The following UBE2E3 variants were observed in gnomAD, a reference collection of about 807,000 sequenced individuals.
UBE2E3 encodes the protein ubiquitin conjugating enzyme E2 E3.
Under a neutral mutation model 23.6 loss-of-function variants are expected in UBE2E3, and 5 were observed. The observed-to-expected ratio is 0.21, with a 90% CI of 0.11 to 0.44. The LOEUF (loss-of-function observed/expected upper bound fraction) is 0.44. Ranked by LOEUF, UBE2E3 falls within the 20% of genes least tolerant of loss-of-function variation. UBE2E3 has a pLI of 0.99. For synonymous variants in UBE2E3, 78 were observed against 87.5 expected (o/e 0.89, Z 0.60); for missense variants, 81 against 249.8 (o/e 0.32, Z 4.55).
chr2:180,986,268 A>G (rs923296394), intron 3 of UBE2E3, among the ~76,000 whole-genome samples: 2 of 152,148 alleles, frequency 1.3e-5, no homozygotes, highest in Non-Finnish European at 2.9e-5. Flanking sequence ...GACATACAGT[A>G]TGTCTTAGTA....
At chr2:181,054,612 G>A (rs960201209) in intron 3 of UBE2E3, among the ~76,000 whole-genome samples, 2 of 151,714 alleles carry the variant, frequency 1.3e-5, no homozygotes, top group Admixed American at 6.6e-5. Context: ...ATGGTTCATC[G>A]TATATTTTTG....
intron 3 of UBE2E3, among the ~76,000 whole-genome samples, chr2:181,043,220 A>G (rs571974758): frequency 2.0e-5 from 3 of 152,272 alleles, no homozygotes; most frequent in Admixed American, 1.3e-4. Context: ...CATTGTATCC[A>G]TGGTATGTTC....
intron 3 of UBE2E3, among the ~76,000 whole-genome samples, chr2:181,028,996 A>G (rs1309000517): frequency 6.6e-6 from 1 of 151,854 alleles, no homozygotes; most frequent in East Asian, 1.9e-4. Context: ...TTCCAAATTT[A>G]TTTGGAATTG....
At chr2:181,042,274 T>C (rs915664267) in intron 3 of UBE2E3, among the ~76,000 whole-genome samples, 1 of 152,208 alleles carries the variant, frequency 6.6e-6, no homozygotes, top group African/African-American at 2.4e-5. Context: ...TTCAAGGGTA[T>C]TGTGAAGCAT....
intron 3 of UBE2E3, among the ~76,000 whole-genome samples, chr2:181,003,477 G>A (rs539599529): frequency 3.9e-5 from 6 of 152,080 alleles, no homozygotes; most frequent in Non-Finnish European, 8.8e-5. Context: ...GGGGGATGAC[G>A]CTGTCTCAAG....
Position 180,990,038 on chromosome 2 carries a change from C to T in UBE2E3, c.245+5945C>T, listed in dbSNP as rs187556189. ...AGAAAGTGATTTTTTTTTCCACATA[C>T]CAATTTTGACAGGTAAGTATATTTG... On this transcript the variant is annotated intron_variant, in intron 3 of 5. Transcript: ENST00000410062. 403 of 1,439,924 alleles carry T rather than the reference C, an allele frequency of 2.8e-4. 1 individual carries two copies. In the East Asian group the frequency reaches 8.4e-3, roughly 30 times the overall value. 89.2% of individuals were successfully genotyped at this position (1,439,924 alleles called of 1,614,324 possible). A position where few individuals can be genotyped will look rare whatever the true frequency, so the allele number is the denominator to read the frequency against.
chr2:180,987,264 A>G, intron 3 of UBE2E3: 1 of 1,490,884 alleles, frequency 6.7e-7, no homozygotes, highest in Admixed American at 2.1e-5. Flanking sequence ...CCCTATTTGT[A>G]TTTATTGAGA....
chr2:181,059,249 A>G (rs572175283), intron 4 of UBE2E3, among the ~76,000 whole-genome samples: 11 of 151,892 alleles, frequency 7.2e-5, no homozygotes, highest in East Asian at 1.9e-4. Flanking sequence ...TTTCTCTGCA[A>G]TGCTAAATCT....
intron 3 of UBE2E3, among the ~76,000 whole-genome samples, chr2:181,056,795 T>C (rs1034283749): frequency 6.6e-6 from 1 of 151,776 alleles, no homozygotes; most frequent in Non-Finnish European, 1.5e-5. Flanking sequence ...ATATTGCTTA[T>C]TGGTTGCAGG....
intron 3 of UBE2E3, among the ~76,000 whole-genome samples, chr2:181,001,276 T>A (rs183063705): frequency 1.7e-3 from 258 of 152,326 alleles, no homozygotes; most frequent in African/African-American, 5.6e-3. Flanking sequence ...GTAAAATATG[T>A]CACTTAATCA....
chr2:181,033,793 C>T (rs1437600562), intron 3 of UBE2E3, among the ~76,000 whole-genome samples: 1 of 151,878 alleles, frequency 6.6e-6, no homozygotes, highest in African/African-American at 2.4e-5. Context: ...TGACAAAGGG[C>T]TAATACCCAG....
chr2:181,014,907 AT>A (rs1217003957), intron 3 of UBE2E3, among the ~76,000 whole-genome samples: 1 of 152,158 alleles, frequency 6.6e-6, no homozygotes, highest in Non-Finnish European at 1.5e-5. Context: ...ATTAACTATA[AT>A]TTCCCACTGT....
intron 3 of UBE2E3, among the ~76,000 whole-genome samples, chr2:181,005,179 C>T (rs1456762229): frequency 6.6e-6 from 1 of 152,158 alleles, no homozygotes. Context: ...ATCTGATTTA[C>T]CTTTCCATTT....
chr2:181,055,492 G>C (rs978537772), intron 3 of UBE2E3, among the ~76,000 whole-genome samples: 1 of 151,602 alleles, frequency 6.6e-6, no homozygotes, highest in Non-Finnish European at 1.5e-5. Flanking sequence ...ACATTTATGA[G>C]AATGAAAAGA....
At chr2:181,013,689 T>G (rs1685398685) in intron 3 of UBE2E3, among the ~76,000 whole-genome samples, 1 of 152,120 alleles carries the variant, frequency 6.6e-6, no homozygotes, top group African/African-American at 2.4e-5. Flanking sequence ...GAGAGGGAGC[T>G]CATGGGTGTG....
Position 181,041,234 on chromosome 2 carries a change from C to CAAAAAAAAA in UBE2E3, c.246-16448_246-16440dup, listed in dbSNP as rs1206207155. 3.9e-4 allele frequency among the ~76,000 whole-genome samples: 30 copies of CAAAAAAAAA among 77,158 alleles called. 2 individuals carry two copies. Among genetic ancestry groups the CAAAAAAAAA allele is most frequent in the African/African-American group, 9.5e-4 (18 of 18,964 alleles). 50.6% of individuals were successfully genotyped at this position (77,158 alleles called of 152,430 possible). A position where few individuals can be genotyped will look rare whatever the true frequency, so the allele number is the denominator to read the frequency against. ...CTAACGACAGAGCAAGACTCCGTCT[C>CAAAAAAAAA]AAAAAAAAAAAAAAAAAAAGATAGA... On this transcript the variant is annotated intron_variant, in intron 3 of 5. Coordinates refer to ENST00000410062, the MANE Select transcript of UBE2E3 (RefSeq NM_006357.4).
At chr2:181,041,663 C>T (rs369393313) in intron 3 of UBE2E3, among the ~76,000 whole-genome samples, 34 of 148,972 alleles carry the variant, frequency 2.3e-4, no homozygotes, top group African/African-American at 8.5e-4. Flanking sequence ...GTCTCGAACT[C>T]CTGACCTTAT....
At chr2:181,035,790 T>C (rs1686253631) in intron 3 of UBE2E3, among the ~76,000 whole-genome samples, 1 of 152,188 alleles carries the variant, frequency 6.6e-6, no homozygotes, top group Admixed American at 6.5e-5. Context: ...TATATAGTTG[T>C]ACTTGATTGT....
At chr2:180,996,229 G>C (rs1482975265) in intron 3 of UBE2E3, among the ~76,000 whole-genome samples, 1 of 152,096 alleles carries the variant, frequency 6.6e-6, no homozygotes, top group Non-Finnish European at 1.5e-5. Context: ...ATTGCTCTAG[G>C]TATTATTTTG....
Sources: gnomAD v4.1 joint callset for allele counts (sites outside exome capture counted in the v4.1 genomes callset) on GRCh38, gnomAD v4.1.1 for gene constraint, MANE v1.5 for transcripts, NCBI Gene and HGNC (gene_info 2026-07-23, HGNC 2026-07-21) for gene names.